KCNJ12: variants seen among roughly 807,000 people sequenced by gnomAD.
The protein encoded by KCNJ12 is ATP-sensitive inward rectifier potassium channel 12.
Under a neutral mutation model 22.3 loss-of-function variants are expected in KCNJ12, and 2 were observed. That is an observed-to-expected ratio of 0.09 (90% CI 0.04 to 0.28). The LOEUF (loss-of-function observed/expected upper bound fraction) is 0.28. KCNJ12 is among the 10% of genes least tolerant of loss of function. The pLI, the probability that KCNJ12 is intolerant of heterozygous loss-of-function variation, is 1.00. For missense variants in KCNJ12, 155 were observed against 633.3 expected, an observed-to-expected ratio of 0.24 and a Z score of 8.11; for synonymous variants, 117 against 261.4, an observed-to-expected ratio of 0.45 and a Z score of 5.33.
rs1252756794 is a variant in KCNJ12 at position 21,418,864 on chromosome 17, C to T, written c.*2220C>T. Reference sequence around the variant, plus strand: ...GCTGGTGTAGGGGCCTGTGCCCTTCCAGGGCCAGTGAGACAGCCTTCTACT... The same window carrying T: ...GCTGGTGTAGGGGCCTGTGCCCTTCTAGGGCCAGTGAGACAGCCTTCTACT... On this transcript the variant is annotated 3_prime_UTR_variant, in exon 3 of 3. Coordinates refer to ENST00000583088, the MANE Select transcript of KCNJ12 (RefSeq NM_021012.5). 4.2e-5 allele frequency: 7 copies of T among 166,898 alleles called. No homozygotes were observed. The highest frequency in any genetic ancestry group is 9.7e-5 in the African/African-American group (4 of 41,408). The allele number at this position is 166,898 out of a possible 1,614,324, so 10.3% of individuals were successfully genotyped here.
chr17:21,414,133 AAGTGG>A (rs1234724335), intron 2 of KCNJ12, among the ~76,000 whole-genome samples: 2 of 152,308 alleles, frequency 1.3e-5, no homozygotes, highest in African/African-American at 4.8e-5. Flanking sequence ...GGGGTGTTCA[AAGTGG>A]GTGGCGACAG....
At position 21,379,698 on chromosome 17, in the gene KCNJ12, C is replaced by G. The variant is rs1055397578; in HGVS notation, c.-179+2785C>G. Among the ~76,000 whole-genome samples the G allele has an allele frequency of 2.0e-5, 3 of 148,864 alleles. No individual in the cohort carries two copies. In the South Asian group the frequency reaches 6.6e-4, roughly 33 times the overall value. ...GGGAACTGGCAGCGTGATGGGGACA[C>G]GGCAGCAGGGAAAGGCTGAAGATGA... On this transcript the variant is annotated intron_variant, in intron 1 of 2. Coordinates refer to ENST00000583088, the MANE Select transcript of KCNJ12 (RefSeq NM_021012.5).
intron 1 of KCNJ12, among the ~76,000 whole-genome samples, chr17:21,380,191 T>C (rs1904819280): frequency 6.6e-6 from 1 of 152,112 alleles, no homozygotes; most frequent in Admixed American, 6.5e-5. Flanking sequence ...TCCTAGGACC[T>C]AGTTAAGCCC....
chr17:21,379,559 C>T (rs951814478), intron 1 of KCNJ12, among the ~76,000 whole-genome samples: 3 of 152,106 alleles, frequency 2.0e-5, no homozygotes, highest in East Asian at 3.9e-4. Flanking sequence ...CACCGGCTAG[C>T]GTGGAGGAGA....
chr17:21,409,082 G>A (rs1310838722), intron 2 of KCNJ12, among the ~76,000 whole-genome samples: 1 of 152,306 alleles, frequency 6.6e-6, no homozygotes, highest in Non-Finnish European at 1.5e-5. Flanking sequence ...CATTTCCTGG[G>A]TGCCCCTCTT....
chr17:21,406,314 G>A (rs1238701109), intron 1 of KCNJ12, among the ~76,000 whole-genome samples: 1 of 152,304 alleles, frequency 6.6e-6, no homozygotes, highest in Non-Finnish European at 1.5e-5. Context: ...TCGGGGAAGG[G>A]GGTGGACCCA....
At position 21,418,920 on chromosome 17, in the gene KCNJ12, C is replaced by T. The variant is rs1413792965; in HGVS notation, c.*2276C>T. ...GACCCAGAGCTGAGTCCGAGGACCCCAGGCCCACCTCCTGGCCCTCTTGGA... is the reference window on the plus strand; with the variant it reads ...GACCCAGAGCTGAGTCCGAGGACCCTAGGCCCACCTCCTGGCCCTCTTGGA... On this transcript the variant is annotated 3_prime_UTR_variant, in exon 3 of 3. Coordinates refer to ENST00000583088, the MANE Select transcript of KCNJ12 (RefSeq NM_021012.5). 1 of 166,754 alleles carries T rather than the reference C, an allele frequency of 6.0e-6. No individual in the cohort carries two copies. Among genetic ancestry groups the T allele is most frequent in the Admixed American group, 6.5e-5 (1 of 15,288 alleles). The allele number at this position is 166,754 out of a possible 1,614,324, so 10.3% of individuals were successfully genotyped here. A position where few individuals can be genotyped will look rare whatever the true frequency, so the allele number is the denominator to read the frequency against.
intron 1 of KCNJ12, among the ~76,000 whole-genome samples, chr17:21,395,978 C>G (rs1006795461): frequency 6.6e-6 from 1 of 152,206 alleles, no homozygotes; most frequent in South Asian, 2.1e-4. Context: ...CCTGCCCTCT[C>G]TGGGCTCTGA....
intron 1 of KCNJ12, among the ~76,000 whole-genome samples, chr17:21,387,440 CAAAAA>C (rs782125409): frequency 5.5e-5 from 2 of 36,524 alleles, no homozygotes; most frequent in African/African-American, 1.7e-4. Context: ...GACTCTATCT[CAAAAA>C]AAAAAAAAAA....
chr17:21,404,467 C>T (rs1393588574), intron 1 of KCNJ12, among the ~76,000 whole-genome samples: 6 of 152,248 alleles, frequency 3.9e-5, no homozygotes, highest in Admixed American at 6.5e-5. Context: ...GCAGGGTGCC[C>T]CATGAAGGCA....
chr17:21,383,287 G>A (rs186546220), intron 1 of KCNJ12, among the ~76,000 whole-genome samples: 12 of 152,336 alleles, frequency 7.9e-5, no homozygotes, highest in Admixed American at 3.3e-4. Flanking sequence ...ATAAATCGCT[G>A]CCAGCAGCTG....
At chr17:21,406,421 A>G (rs11650734) in intron 1 of KCNJ12, among the ~76,000 whole-genome samples, 1 of 152,310 alleles carries the variant, frequency 6.6e-6, no homozygotes. Flanking sequence ...CCATCCACCC[A>G]TCCATCTCTG....
chr17:21,403,668 ACT>A (rs1376350200), intron 1 of KCNJ12, among the ~76,000 whole-genome samples: 2 of 152,150 alleles, frequency 1.3e-5, no homozygotes, highest in Non-Finnish European at 2.9e-5. Flanking sequence ...GGGGCCTGTG[ACT>A]CTCTGCAGGG....
At chr17:21,382,891 C>T (rs974049484) in intron 1 of KCNJ12, among the ~76,000 whole-genome samples, 1 of 152,192 alleles carries the variant, frequency 6.6e-6, no homozygotes, top group African/African-American at 2.4e-5. Flanking sequence ...GCCTCCACCC[C>T]AAGGGTGTAC....
intron 1 of KCNJ12, chr17:21,405,139 A>T (rs1460813324): frequency 6.6e-6 from 1 of 152,530 alleles, no homozygotes; most frequent in Non-Finnish European, 1.5e-5. Flanking sequence ...GACATCCAGC[A>T]GGCCACAGGG....
At chr17:21,390,842 C>A (rs1449613605) in intron 1 of KCNJ12, among the ~76,000 whole-genome samples, 2 of 152,136 alleles carry the variant, frequency 1.3e-5, no homozygotes, top group Non-Finnish European at 2.9e-5. Flanking sequence ...TGAAATTAAC[C>A]ATTTAAAAGT....
chr17:21,385,900 TC>T (rs1350640605), intron 1 of KCNJ12, among the ~76,000 whole-genome samples: 21 of 152,124 alleles, frequency 1.4e-4, no homozygotes, highest in Admixed American at 6.5e-5. Context: ...CTCAGTGTCC[TC>T]CCCTGTGAAA....
intron 2 of KCNJ12, among the ~76,000 whole-genome samples, chr17:21,414,168 A>G (rs1906544563): frequency 6.6e-6 from 1 of 152,298 alleles, no homozygotes; most frequent in East Asian, 1.9e-4. Flanking sequence ...GCCGCATTCT[A>G]GGCCCTGGGA....
intron 1 of KCNJ12, among the ~76,000 whole-genome samples, chr17:21,402,933 C>T (rs1315553399): frequency 1.3e-5 from 2 of 152,300 alleles, no homozygotes; most frequent in African/African-American, 4.8e-5. Flanking sequence ...GACTGGTGAC[C>T]TTGGGCATGG....
Sources: allele counts gnomAD v4.1 joint callset (sites outside exome capture counted in the v4.1 genomes callset), GRCh38; gene constraint gnomAD v4.1.1; transcripts MANE v1.5; gene names NCBI Gene and HGNC (gene_info 2026-07-23, HGNC 2026-07-21).